MAD2L2: variants seen among roughly 807,000 people sequenced by gnomAD.
The protein encoded by MAD2L2 is mitotic spindle assembly checkpoint protein MAD2B.
In MAD2L2, 17 loss-of-function variants were observed where a neutral mutation model predicts 30.5. That is an observed-to-expected ratio of 0.56 (90% CI 0.38 to 0.84). The LOEUF is 0.84. Ranked by LOEUF, MAD2L2 falls within the 40% of genes least tolerant of loss-of-function variation. The pLI, the probability that MAD2L2 is intolerant of heterozygous loss-of-function variation, is 0.00. For synonymous variants in MAD2L2, 101 were observed against 113.9 expected, an observed-to-expected ratio of 0.89 and a Z score of 0.72; for missense variants, 213 against 277.4, an observed-to-expected ratio of 0.77 and a Z score of 1.65.
At chr1:11,679,036 C>T (rs1169579460) in intron 3 of MAD2L2, among the ~76,000 whole-genome samples, 9 of 152,022 alleles carry the variant, frequency 5.9e-5, no homozygotes, top group Non-Finnish European at 1.2e-4. Context: ...TGGTGGCACA[C>T]GCCTGTAATC....
upstream of MAD2L2, among the ~76,000 whole-genome samples, chr1:11,683,514 G>GGGGACTCT (rs1640909394): frequency 6.6e-6 from 1 of 150,772 alleles, no homozygotes; most frequent in South Asian, 2.1e-4. Flanking sequence ...TTGGGGACTC[G>GGGGACTCT]GGGGGAAGGA....
intron 3 of MAD2L2, among the ~76,000 whole-genome samples, chr1:11,679,178 A>G (rs1345875527): frequency 1.3e-5 from 2 of 152,182 alleles, no homozygotes; most frequent in African/African-American, 4.8e-5. Context: ...AATAAAATAA[A>G]ATAAAATATA....
rs976260508 is a variant in MAD2L2 at position 11,676,105 on chromosome 1, A to G, written c.368T>C (p.Leu123Pro). ...GCTGATCTTCAGGATGAAGGCCCGGAGCAGCTGCTCCACATGAGACAACAG... is the reference window on the plus strand; with the variant it reads ...GCTGATCTTCAGGATGAAGGCCCGGGGCAGCTGCTCCACATGAGACAACAG... ...DSLLSHVEQL[L>P]RAFILKISVC... The change falls in exon 6 of 9, where the codon CTC becomes CCC. Residue 123 changes from leucine to proline, a missense_variant. Physicochemically the swap from Leu to Pro is moderately conservative, Grantham distance 98 (BLOSUM62 -3). Transcript: ENST00000376692. 2 of 1,610,968 alleles carry G rather than the reference A, an allele frequency of 1.2e-6. No homozygotes were observed. The highest frequency in any genetic ancestry group is 1.3e-5 in the African/African-American group (1 of 74,878).
chr1:11,680,251 C>T, intron 3 of MAD2L2, 102 bp downstream of exon 3: 1 of 964,526 alleles, frequency 1.0e-6, no homozygotes, highest in Non-Finnish European at 1.6e-6. Context: ...CCGCCTCGGC[C>T]TCCCAAAGTG....
At chr1:11,683,895 CG>C (rs1316369703), upstream of MAD2L2, among the ~76,000 whole-genome samples, 3 of 152,110 alleles carry the variant, frequency 2.0e-5, no homozygotes, top group Non-Finnish European at 4.4e-5. Context: ...CACTTGAACC[CG>C]GGAGGCGGAG....
chr1:11,676,658 G>T (rs575385451), intron 5 of MAD2L2, 190 bp downstream of exon 5: 1 of 614,494 alleles, frequency 1.6e-6, no homozygotes. Flanking sequence ...AGGTGACCCT[G>T]GGTAGCTCAT....
At chr1:11,682,464 T>G (rs1360185767), upstream of MAD2L2, among the ~76,000 whole-genome samples, 1 of 110,776 alleles carries the variant, frequency 9.0e-6, no homozygotes, top group Admixed American at 1.2e-4. Context: ...CGCCCCCTGA[T>G]GCCTTCAAAC....
chr1:11,676,845 C>A lies in MAD2L2; in HGVS notation c.332+3G>T. 1 of 1,613,278 alleles carries A rather than the reference C, an allele frequency of 6.2e-7. No individual in the cohort carries two copies. The highest frequency in any genetic ancestry group is 8.5e-7 in the Non-Finnish European group (1 of 1,179,200). On this transcript the variant is annotated splice_donor_region_variant and intron_variant, in intron 5 of 8. Transcript: ENST00000376692. The stretch of plus-strand genomic sequence containing the variant: ...TAGTGGGCGAGGGGCAGGGGCAGCC[C>A]ACCTGATGGACAGCAGTGGAGGCTG...
chr1:11,676,705 T>A (rs1640774620), intron 5 of MAD2L2, 143 bp downstream of exon 5: 1 of 694,996 alleles, frequency 1.4e-6, no homozygotes, highest in Admixed American at 2.3e-5. Flanking sequence ...GCTCACAGGC[T>A]GTCCCCTTGT....
chr1:11,676,543 C>T (rs2336030), intron 5 of MAD2L2, among the ~76,000 whole-genome samples: 39,384 of 152,192 alleles, frequency 0.26, 6,380 homozygotes, highest in East Asian at 0.54. Context: ...TGGAAGCATG[C>T]AGTTGACCAA....
At position 11,675,160 on chromosome 1, in the gene MAD2L2, G is replaced by A; in HGVS notation, c.516C>T (p.Ile172=). The A allele has an allele frequency of 6.3e-7, 1 of 1,599,112 alleles. No homozygotes were observed. The highest frequency in any genetic ancestry group is 1.1e-5 in the South Asian group (1 of 89,448). The change falls in exon 8 of 9, where the codon ATC becomes ATT. Residue 172 remains isoleucine, a synonymous_variant. Transcript: ENST00000376692. ...TGTGGACATCCTGCTCATCCGCCAGGATCCAGGGGAAATCCTAGGGAGGAG... is the reference window on the plus strand; with the variant it reads ...TGTGGACATCCTGCTCATCCGCCAGAATCCAGGGGAAATCCTAGGGAGGAG... ...KIQVIKDFPW[I]LADEQDVHMH... is the part of the protein sequence containing the mutation.
At chr1:11,686,485 T>C (rs1640957653) in intron 1 of MAD2L2, among the ~76,000 whole-genome samples, 1 of 152,100 alleles carries the variant, frequency 6.6e-6, no homozygotes, top group East Asian at 1.9e-4. Context: ...CCCAGGCTGG[T>C]CTTGAACATT....
At chr1:11,679,999 T>G (rs1175195203) in intron 3 of MAD2L2, among the ~76,000 whole-genome samples, 3 of 93,570 alleles carry the variant, frequency 3.2e-5, no homozygotes, top group Admixed American at 2.4e-4. Context: ...TTTTTTTTTT[T>G]TTTTTTTTTT....
chr1:11,680,029 C>T (rs1422162301), intron 3 of MAD2L2, among the ~76,000 whole-genome samples: 1 of 111,832 alleles, frequency 8.9e-6, no homozygotes, highest in African/African-American at 3.4e-5. Flanking sequence ...GAGTTTCGCT[C>T]TTGTCACCCA....
Position 11,676,119 on chromosome 1 carries a change from A to T in MAD2L2, c.354T>A (p.His118Gln), listed in dbSNP as rs542007676. 5.0e-6 allele frequency: 8 copies of T among 1,607,498 alleles called. No homozygotes were observed. Among genetic ancestry groups the T allele is most frequent in the Admixed American group, 1.7e-5 (1 of 59,804 alleles). ...LSISSDSLLS[H>Q]VEQLLRAFIL... ...TGAAGGCCCGGAGCAGCTGCTCCAC[A>T]TGAGACAACAGCGAGTCTGAGCTGG... Residue 118 changes from histidine (H) to glutamine (Q), a missense_variant, in exon 6 of 9, where the codon CAT (histidine) becomes CAA (glutamine). Transcript: ENST00000376692.
intron 3 of MAD2L2, 63 bp downstream of exon 3, chr1:11,680,290 C>G (rs1640847907): frequency 1.4e-6 from 2 of 1,399,358 alleles, no homozygotes; most frequent in East Asian, 2.4e-5. Context: ...GCCACGGCGC[C>G]CGACCAAAGA....
At chr1:11,682,492 T>C (rs1640894730), upstream of MAD2L2, among the ~76,000 whole-genome samples, 1 of 132,480 alleles carries the variant, frequency 7.5e-6, no homozygotes, top group Non-Finnish European at 1.6e-5. Flanking sequence ...TCCAGACTTC[T>C]AATGGGGAGA....
rs1641050598 is a variant in MAD2L2, at chr1:11,690,930, GTGTGTGTGTGTGTGTGTT to G, written c.-692+465_-692+482del. On this transcript the variant is annotated intron_variant, in intron 1 of 10. Coordinates refer to the MAD2L2 transcript ENST00000235310. The surrounding 1 kb of genome is among the most constrained non-coding windows in gnomAD (Gnocchi z 4.2). ...GTGGCGAGAGCCGCGCCGCGTGTGA[GTGTGTGTGTGTGTGTGTT>G]TGTGTGTGTGTGTATTGGGGCGGTT... Among the ~76,000 whole-genome samples the G allele has an allele frequency of 1.1e-5, 1 of 92,556 alleles. No homozygotes were observed. Among genetic ancestry groups the G allele is most frequent in the South Asian group, 3.8e-4 (1 of 2,638 alleles). The allele number at this position is 92,556 out of a possible 152,430, so 60.7% of individuals were successfully genotyped here.
chr1:11,679,339 T>A (rs555959185), intron 3 of MAD2L2, among the ~76,000 whole-genome samples: 10 of 152,294 alleles, frequency 6.6e-5, no homozygotes, highest in East Asian at 3.9e-4. Flanking sequence ...CTGAGTGCCT[T>A]CCAGAGACAG....
Sources: gnomAD v4.1 joint callset for allele counts (sites outside exome capture counted in the v4.1 genomes callset) on GRCh38, gnomAD v4.1.1 for gene constraint, Gnocchi (gnomAD v3.1) non-coding constraint, MANE v1.5 for transcripts, NCBI Gene and HGNC (gene_info 2026-07-23, HGNC 2026-07-21) for gene names.